Variants in EBF1 observed in about 807,000 individuals in gnomAD.
EBF1 encodes the protein EBF transcription factor 1, also known as transcription factor COE1.
Under a neutral mutation model 68.4 loss-of-function variants are expected in EBF1, and 10 were observed. The observed-to-expected ratio is 0.15, with a 90% CI of 0.09 to 0.25. EBF1 has a LOEUF of 0.25. EBF1 is among the 10% of genes least tolerant of loss of function. EBF1 has a pLI of 1.00. For synonymous variants in EBF1, 298 were observed against 299.8 expected, an observed-to-expected ratio of 0.99 and a Z score of 0.06; for missense variants, 509 against 794.4, an observed-to-expected ratio of 0.64 and a Z score of 4.32.
At chr5:159,056,600 A>G (rs1774778400) in intron 6 of EBF1, among the ~76,000 whole-genome samples, 1 of 152,198 alleles carries the variant, frequency 6.6e-6, no homozygotes, top group African/African-American at 2.4e-5. Flanking sequence ...GCAAAACTGT[A>G]CACAAAAGTG....
chr5:158,809,567 A>G (rs903776828), intron 8 of EBF1, among the ~76,000 whole-genome samples: 1 of 152,182 alleles, frequency 6.6e-6, no homozygotes, highest in African/African-American at 2.4e-5. Flanking sequence ...TTTTCCCCCT[A>G]AGACTCAGAC....
chr5:158,924,723 G>C (rs998291807), intron 6 of EBF1, among the ~76,000 whole-genome samples: 1 of 150,866 alleles, frequency 6.6e-6, no homozygotes. Flanking sequence ...CGTGGTGGCG[G>C]GCGCCTGTAG....
chr5:158,717,905 G>T (rs1761104253), intron 11 of EBF1, among the ~76,000 whole-genome samples: 1 of 152,090 alleles, frequency 6.6e-6, no homozygotes, highest in Admixed American at 6.5e-5. Context: ...ATAGGTTGAT[G>T]GTTATGTGAG....
chr5:159,076,142 C>T (rs770932429), intron 5 of EBF1, among the ~76,000 whole-genome samples: 4 of 151,434 alleles, frequency 2.6e-5, no homozygotes, highest in Admixed American at 6.6e-5. Flanking sequence ...TCTTCTCTTC[C>T]TTTAACTCAT....
rs186357634 is a variant in EBF1, at chr5:158,946,972, C to T, written c.555-106862G>A. On this transcript the variant is annotated intron_variant, in intron 6 of 15. Transcript: ENST00000313708. The stretch of plus-strand genomic sequence containing the variant: ...CCCCCTAGCTGGAACTTCCCAGTGG[C>T]TTTGTTAACACTGTGAGGGGAAAAA... 1.6e-3 allele frequency among the ~76,000 whole-genome samples: 241 copies of T among 152,320 alleles called. 1 individual carries two copies. The highest frequency in any genetic ancestry group is 5.5e-3 in the African/African-American group (229 of 41,568).
chr5:159,053,134 C>G (rs1041138541), intron 6 of EBF1, among the ~76,000 whole-genome samples: 2 of 152,134 alleles, frequency 1.3e-5, no homozygotes, highest in African/African-American at 2.4e-5. Context: ...TGATTAAAAC[C>G]CTGATCTTTG....
At chr5:158,947,670 C>T (rs1815081192) in intron 6 of EBF1, among the ~76,000 whole-genome samples, 1 of 152,198 alleles carries the variant, frequency 6.6e-6, no homozygotes, top group Non-Finnish European at 1.5e-5. Context: ...TTAAGGTTTT[C>T]TCTAATCTAT....
chr5:159,087,321 TACACATATATATATACAC>T (rs1561985572), intron 4 of EBF1, among the ~76,000 whole-genome samples: 1 of 136,272 alleles, frequency 7.3e-6, no homozygotes, highest in Non-Finnish European at 1.6e-5. Flanking sequence ...CACATATATA[TACACATATATATATACAC>T]ACACATATAT....
chr5:159,092,491 CTAA>C (rs1052699148), intron 4 of EBF1, among the ~76,000 whole-genome samples: 32 of 152,280 alleles, frequency 2.1e-4, no homozygotes, highest in Admixed American at 1.8e-3. Flanking sequence ...CCAAAATAGT[CTAA>C]TGAGACACTT....
chr5:159,074,585 A>G (rs2127948874), intron 5 of EBF1, among the ~76,000 whole-genome samples: 1 of 152,352 alleles, frequency 6.6e-6, no homozygotes, highest in South Asian at 2.1e-4. Context: ...GGAGAGAACC[A>G]AATATTGAAC....
chr5:158,855,589 A>G (rs1793830166), intron 6 of EBF1, among the ~76,000 whole-genome samples: 1 of 152,174 alleles, frequency 6.6e-6, no homozygotes, highest in Non-Finnish European at 1.5e-5. Flanking sequence ...CTCCCCAGGA[A>G]TGTCTTCCTG....
intron 4 of EBF1, among the ~76,000 whole-genome samples, chr5:159,091,705 T>C (rs1434051503): frequency 1.3e-5 from 2 of 152,196 alleles, no homozygotes; most frequent in Non-Finnish European, 2.9e-5. Context: ...TACACTTGCA[T>C]CAATACCTTA....
At chr5:158,864,077 C>CA (rs1405658521) in intron 6 of EBF1, among the ~76,000 whole-genome samples, 4 of 151,762 alleles carry the variant, frequency 2.6e-5, no homozygotes, top group Non-Finnish European at 1.5e-5. Flanking sequence ...ACTAAAAATA[C>CA]AAAAAATTAG....
chr5:158,815,044 A>G (rs993835558), intron 8 of EBF1, among the ~76,000 whole-genome samples: 1 of 152,200 alleles, frequency 6.6e-6, no homozygotes, highest in African/African-American at 2.4e-5. Context: ...AAATAAGAAC[A>G]ATAGGATAGG....
intron 10 of EBF1, among the ~76,000 whole-genome samples, chr5:158,751,934 G>GT (rs1768992923): frequency 2.0e-5 from 3 of 151,856 alleles, no homozygotes; most frequent in Non-Finnish European, 2.9e-5. Flanking sequence ...GTTTTAGATG[G>GT]TTTTTTTATA....
Position 158,698,813 on chromosome 5 carries a change from A to G in EBF1, c.*298T>C. 3.4e-6 allele frequency: 1 copy of G among 293,746 alleles called. No individual in the cohort carries two copies. Among genetic ancestry groups the G allele is most frequent in the Middle Eastern group, 9.6e-4 (1 of 1,046 alleles). The allele number at this position is 293,746 out of a possible 1,614,324, so 18.2% of individuals were successfully genotyped here. A position where few individuals can be genotyped will look rare whatever the true frequency, so the allele number is the denominator to read the frequency against. On this transcript the variant is annotated 3_prime_UTR_variant, in exon 16 of 16. Transcript: ENST00000313708. ...TTTATAAAAGACAAATGATTGCAGA[A>G]TTAAGCTTAAAAAAAAAAAAGAAAA...
chr5:158,805,045 C>CA (rs1450996209), intron 8 of EBF1, among the ~76,000 whole-genome samples: 1 of 151,954 alleles, frequency 6.6e-6, no homozygotes, highest in Non-Finnish European at 1.5e-5. Flanking sequence ...CTTTTATGCA[C>CA]AAAATTATTT....
intron 10 of EBF1, among the ~76,000 whole-genome samples, chr5:158,761,318 T>TG (rs1771393434): frequency 1.3e-5 from 2 of 152,228 alleles, no homozygotes; most frequent in Non-Finnish European, 2.9e-5. Flanking sequence ...TGTTCTGCTG[T>TG]CGGTTTGCTC....
chr5:158,898,700 G>C (rs1802657734), intron 6 of EBF1, among the ~76,000 whole-genome samples: 1 of 152,154 alleles, frequency 6.6e-6, no homozygotes, highest in African/African-American at 2.4e-5. Flanking sequence ...TGTCATCCAC[G>C]CACTAAGCGG....
Sources: gnomAD v4.1 joint callset for allele counts (sites outside exome capture counted in the v4.1 genomes callset) on GRCh38, gnomAD v4.1.1 for gene constraint, MANE v1.5 for transcripts, NCBI Gene and HGNC (gene_info 2026-07-23, HGNC 2026-07-21) for gene names.